Variants in BLNK observed in about 807,000 individuals in gnomAD.
The protein encoded by BLNK is B cell linker.
BLNK carries 29 observed loss-of-function variants against 73.5 expected under a neutral mutation model. The ratio of observed to expected loss-of-function variants is 0.39; its 90% confidence interval spans 0.29 to 0.54. The LOEUF (loss-of-function observed/expected upper bound fraction) is 0.54. Among genes scored for constraint, BLNK ranks in the 20% least tolerant of loss-of-function variants. The pLI, the probability that BLNK is intolerant of heterozygous loss-of-function variation, is 0.61. For synonymous variants in BLNK, 176 were observed against 200.8 expected (o/e 0.88, Z 1.04); for missense variants, 460 against 562.8 (o/e 0.82, Z 1.85).
chr10:96,241,623 C>G (rs1200436300), intron 3 of BLNK, among the ~76,000 whole-genome samples: 5 of 152,174 alleles, frequency 3.3e-5, no homozygotes, highest in African/African-American at 4.8e-5. Flanking sequence ...AGTCTCTTCC[C>G]CACTTACCCC....
Position 96,190,291 on chromosome 10 carries a change from C to A in BLNK, c.*1682G>T. 1.5e-6 allele frequency: 1 copy of A among 668,400 alleles called. No homozygotes were observed. Among genetic ancestry groups the A allele is most frequent in the Non-Finnish European group, 2.8e-6 (1 of 362,650 alleles). The allele number at this position is 668,400 out of a possible 1,614,324, so 41.4% of individuals were successfully genotyped here. A position where few individuals can be genotyped will look rare whatever the true frequency, so the allele number is the denominator to read the frequency against. The stretch of plus-strand genomic sequence containing the variant: ...AACGACCACTGCTCAAGAGAACAGC[C>A]ATACAGGATGGAATCACGCCAGTAG... On this transcript the variant is annotated 3_prime_UTR_variant, in exon 17 of 17. Coordinates refer to ENST00000224337, the MANE Select transcript of BLNK (RefSeq NM_013314.4).
intron 15 of BLNK, chr10:96,199,374 T>C (rs187719037): frequency 3.5e-6 from 1 of 284,894 alleles, no homozygotes; most frequent in African/African-American, 2.2e-5. Flanking sequence ...TGTTTGTTTG[T>C]TTGCCATCTT....
At chr10:96,264,542 G>A (rs1075834) in intron 1 of BLNK, among the ~76,000 whole-genome samples, 126,307 of 152,054 alleles carry the variant, frequency 0.83, 53,386 homozygotes, top group Middle Eastern at 0.93. Flanking sequence ...CACACAAAGC[G>A]TTTCCTGAGA....
At chr10:96,231,964 T>TA (rs1554904084) in intron 3 of BLNK, among the ~76,000 whole-genome samples, 1 of 152,236 alleles carries the variant, frequency 6.6e-6, no homozygotes, top group African/African-American at 2.4e-5. Context: ...TGACAGGTTG[T>TA]GGCCCTTAAG....
In BLNK at chr10:96,215,261, G is replaced by C. The variant is rs927930369; in HGVS notation, c.676+60C>G. 5 of 1,497,416 alleles carry C rather than the reference G, an allele frequency of 3.3e-6. No individual in the cohort carries two copies. In the Admixed American group the frequency reaches 6.7e-5, roughly 20 times the overall value. 92.8% of individuals were successfully genotyped at this position (1,497,416 alleles called of 1,614,324 possible). ...ATACAAGTGATTACTCTTCATAGTT[G>C]ATCTGTTTTTCTTATTTGAAATAGA... is the stretch of plus-strand genomic sequence containing the variant. On this transcript the variant is annotated intron_variant, in intron 8 of 16. Coordinates refer to ENST00000224337, the MANE Select transcript of BLNK (RefSeq NM_013314.4).
chr10:96,230,227 C>T (rs1156309783), intron 4 of BLNK, among the ~76,000 whole-genome samples: 2 of 152,186 alleles, frequency 1.3e-5, no homozygotes, highest in East Asian at 3.9e-4. Flanking sequence ...CTCTGTGGCT[C>T]CGGAGCTCTG....
chr10:96,247,417 T>C (rs1843091019), intron 1 of BLNK, among the ~76,000 whole-genome samples: 1 of 152,228 alleles, frequency 6.6e-6, no homozygotes, highest in African/African-American at 2.4e-5. Context: ...GGTTCTTTTT[T>C]ATTAAATGGT....
intron 16 of BLNK, among the ~76,000 whole-genome samples, chr10:96,194,074 A>G (rs1257631498): frequency 1.3e-5 from 2 of 152,184 alleles, no homozygotes; most frequent in Non-Finnish European, 2.9e-5. Flanking sequence ...TCTAAAGTGG[A>G]GATGAAGATT....
At chr10:96,218,327 G>T (rs992880015) in intron 6 of BLNK, among the ~76,000 whole-genome samples, 2 of 152,048 alleles carry the variant, frequency 1.3e-5, no homozygotes, top group Non-Finnish European at 2.9e-5. Context: ...ATCACCATTG[G>T]CTCCATTTCC....
At chr10:96,228,636 G>A (rs1337393943) in intron 4 of BLNK, among the ~76,000 whole-genome samples, 8 of 152,182 alleles carry the variant, frequency 5.3e-5, no homozygotes, top group African/African-American at 1.9e-4. Flanking sequence ...TGGCTTAGAA[G>A]GATATAAAGT....
intron 2 of BLNK, among the ~76,000 whole-genome samples, chr10:96,244,690 A>G (rs1474931669): frequency 6.6e-6 from 1 of 152,174 alleles, no homozygotes; most frequent in Non-Finnish European, 1.5e-5. Flanking sequence ...GGTAATGACT[A>G]TGGTGGCCAT....
At chr10:96,257,371 G>A (rs1185893777) in intron 1 of BLNK, among the ~76,000 whole-genome samples, 2 of 152,310 alleles carry the variant, frequency 1.3e-5, no homozygotes, top group African/African-American at 4.8e-5. Flanking sequence ...CAGTATGGAG[G>A]CAACTGTGCC....
intron 3 of BLNK, among the ~76,000 whole-genome samples, chr10:96,237,859 C>T (rs1842753584): frequency 6.6e-6 from 1 of 152,144 alleles, no homozygotes; most frequent in African/African-American, 2.4e-5. Context: ...TACTTAATGT[C>T]CTTGAGACAC....
At chr10:96,261,454 A>G (rs887769697) in intron 1 of BLNK, among the ~76,000 whole-genome samples, 6 of 152,066 alleles carry the variant, frequency 3.9e-5, no homozygotes, top group Non-Finnish European at 4.4e-5. Flanking sequence ...CTTTTGAGGT[A>G]TTTTCATGAA....
intron 1 of BLNK, among the ~76,000 whole-genome samples, chr10:96,250,454 G>A (rs529845735): frequency 4.0e-5 from 6 of 151,776 alleles, no homozygotes; most frequent in African/African-American, 1.5e-4. Flanking sequence ...GAAAGAGAGA[G>A]AGAGAGAGAG....
At chr10:96,264,689 AAT>A (rs1361541836) in intron 1 of BLNK, among the ~76,000 whole-genome samples, 1 of 152,226 alleles carries the variant, frequency 6.6e-6, no homozygotes, top group African/African-American at 2.4e-5. Context: ...GTTTCAAAAA[AAT>A]ATATACACAC....
rs541265625 is a variant in BLNK at position 96,264,637 on chromosome 10, G to A, written c.47+6715C>T. On this transcript the variant is annotated intron_variant, in intron 1 of 16. Transcript: ENST00000224337. ...AAATGCTTAATAGAGCTGGAAAAAAGTCTTTAATGAAAAAGATTGAACCCT... is the reference window on the plus strand; with the variant it reads ...AAATGCTTAATAGAGCTGGAAAAAAATCTTTAATGAAAAAGATTGAACCCT... Among the ~76,000 whole-genome samples the A allele has an allele frequency of 3.3e-5, 5 of 152,260 alleles. No homozygotes were observed. The South Asian group carries it at 1.0e-3, about 32-fold the overall frequency.
intron 11 of BLNK, among the ~76,000 whole-genome samples, chr10:96,205,858 G>C (rs952027449): frequency 6.6e-5 from 10 of 152,192 alleles, no homozygotes; most frequent in African/African-American, 2.4e-4. Flanking sequence ...CTGGATTTTG[G>C]AGGCTCTTGT....
intron 1 of BLNK, among the ~76,000 whole-genome samples, chr10:96,259,918 A>T (rs1246342641): frequency 6.6e-6 from 1 of 152,012 alleles, no homozygotes; most frequent in Non-Finnish European, 1.5e-5. Flanking sequence ...GACTGATGAG[A>T]TGGCAAGGAA....
Sources: gnomAD v4.1 joint callset for allele counts (sites outside exome capture counted in the v4.1 genomes callset) on GRCh38, gnomAD v4.1.1 for gene constraint, MANE v1.5 for transcripts, NCBI Gene and HGNC (gene_info 2026-07-23, HGNC 2026-07-21) for gene names.